Variants in CELF4 observed in about 807,000 individuals in gnomAD.
CELF4 encodes the protein CUG-BP- and ETR-3-like factor 4.
In CELF4, 18 loss-of-function variants were observed where a neutral mutation model predicts 59.9. The ratio of observed to expected loss-of-function variants is 0.30; its 90% CI spans 0.21 to 0.45. CELF4 has a LOEUF of 0.45. Among genes scored for constraint, CELF4 ranks in the 20% least tolerant of loss-of-function variants. The pLI is 1.00. For synonymous variants in CELF4, 261 were observed against 267.1 expected, an observed-to-expected ratio of 0.98 and a Z score of 0.22; for missense variants, 456 against 689.0, an observed-to-expected ratio of 0.66 and a Z score of 3.79.
intron 1 of CELF4, among the ~76,000 whole-genome samples, chr18:37,539,901 T>C (rs2099976555): frequency 6.6e-6 from 1 of 152,218 alleles, no homozygotes; most frequent in Admixed American, 6.5e-5. Context: ...AGAGAGGTGA[T>C]GATCAGGTCT....
chr18:37,374,308 C>T (rs554569668), intron 2 of CELF4, among the ~76,000 whole-genome samples: 6 of 152,336 alleles, frequency 3.9e-5, no homozygotes, highest in Admixed American at 3.3e-4. Context: ...TCTGTGCTGC[C>T]CTTTGCCAGT....
At chr18:37,333,201 T>C (rs2097614349) in intron 2 of CELF4, among the ~76,000 whole-genome samples, 1 of 152,178 alleles carries the variant, frequency 6.6e-6, no homozygotes. Flanking sequence ...GAGAGGCATA[T>C]CCACGTATCC....
At chr18:37,434,462 G>A (rs979376999) in intron 2 of CELF4, among the ~76,000 whole-genome samples, 8 of 152,300 alleles carry the variant, frequency 5.3e-5, no homozygotes, top group African/African-American at 1.2e-4. Flanking sequence ...GGGCAAAAGC[G>A]CTTCAGTGGC....
chr18:37,470,871 T>TACA (rs2099819471), intron 2 of CELF4, among the ~76,000 whole-genome samples: 2 of 117,072 alleles, frequency 1.7e-5, no homozygotes, highest in Non-Finnish European at 3.5e-5. Context: ...TGTGTGTGTG[T>TACA]GTGTGTGTGT....
intron 2 of CELF4, among the ~76,000 whole-genome samples, chr18:37,414,364 A>T (rs1164604011): frequency 6.6e-6 from 1 of 151,464 alleles, no homozygotes; most frequent in Non-Finnish European, 1.5e-5. Context: ...CCACCTATCC[A>T]TCTACGCATG....
intron 2 of CELF4, among the ~76,000 whole-genome samples, chr18:37,410,547 C>T (rs529470448): frequency 2.0e-5 from 3 of 152,264 alleles, no homozygotes; most frequent in Non-Finnish European, 4.4e-5. Context: ...GGCATCCCTG[C>T]ACACGCTGTG....
At chr18:37,251,860 G>C (rs1457677111) in intron 12 of CELF4, among the ~76,000 whole-genome samples, 5 of 152,156 alleles carry the variant, frequency 3.3e-5, no homozygotes, top group African/African-American at 9.7e-5. Flanking sequence ...GCACAAGAAG[G>C]TGCCCAAACT....
chr18:37,527,483 C>G (rs1051152263), intron 1 of CELF4, among the ~76,000 whole-genome samples: 3 of 152,156 alleles, frequency 2.0e-5, no homozygotes, highest in South Asian at 2.1e-4. Flanking sequence ...CTCCCCACCC[C>G]CTCCAGAATA....
intron 2 of CELF4, among the ~76,000 whole-genome samples, chr18:37,390,813 G>GT (rs2099152707): frequency 7.6e-6 from 1 of 132,328 alleles, no homozygotes; most frequent in Non-Finnish European, 1.6e-5. Flanking sequence ...GGGGAGGGGG[G>GT]GCAGTGCTGC....
At chr18:37,548,640 G>A (rs542410081) in intron 1 of CELF4, among the ~76,000 whole-genome samples, 1 of 152,282 alleles carries the variant, frequency 6.6e-6, no homozygotes, top group African/African-American at 2.4e-5. Flanking sequence ...AGTGACCCTG[G>A]ACATTTTAAC....
intron 1 of CELF4, among the ~76,000 whole-genome samples, chr18:37,564,193 C>A (rs921136880): frequency 7.2e-5 from 11 of 152,186 alleles, no homozygotes; most frequent in African/African-American, 2.7e-4. Flanking sequence ...CGTGCTCCTT[C>A]CCTGCCTGGC....
intron 1 of CELF4, among the ~76,000 whole-genome samples, chr18:37,517,729 A>G (rs985934183): frequency 6.6e-6 from 1 of 152,112 alleles, no homozygotes; most frequent in South Asian, 2.1e-4. Flanking sequence ...CCGATGAGGC[A>G]CAGCTGGGTG....
intron 2 of CELF4, among the ~76,000 whole-genome samples, chr18:37,417,496 T>C (rs563424358): frequency 6.6e-6 from 1 of 152,346 alleles, no homozygotes; most frequent in East Asian, 1.9e-4. Context: ...CCCAGCAGAA[T>C]ACAGCAGACT....
intron 1 of CELF4, among the ~76,000 whole-genome samples, chr18:37,554,394 A>C (rs987959258): frequency 1.3e-5 from 2 of 152,108 alleles, no homozygotes; most frequent in Non-Finnish European, 2.9e-5. Context: ...AAATCAAAGG[A>C]AGGTAGGATG....
chr18:37,418,241 AG>A (rs1439220935), intron 2 of CELF4, among the ~76,000 whole-genome samples: 1 of 152,222 alleles, frequency 6.6e-6, no homozygotes, highest in East Asian at 1.9e-4. Flanking sequence ...AGAGGTGGGC[AG>A]TGGGGGACAT....
chr18:37,506,207 T>G (rs890345562), intron 1 of CELF4, among the ~76,000 whole-genome samples: 7 of 152,318 alleles, frequency 4.6e-5, no homozygotes, highest in Admixed American at 6.5e-5. Flanking sequence ...ATCCCTTGCG[T>G]CCCATTACCC....
chr18:37,297,161 T>C (rs2095699342), intron 3 of CELF4, among the ~76,000 whole-genome samples: 1 of 152,122 alleles, frequency 6.6e-6, no homozygotes, highest in South Asian at 2.1e-4. Context: ...GTATAAGGTT[T>C]CTTTCCCTCC....
chr18:37,353,644 G>A (rs1249660419), intron 2 of CELF4, among the ~76,000 whole-genome samples: 3 of 150,140 alleles, frequency 2.0e-5, no homozygotes, highest in Non-Finnish European at 4.4e-5. Flanking sequence ...AGGTGGGGCT[G>A]GGGGAAAGGT....
At chr18:37,339,368 C>A (rs2097906340) in intron 2 of CELF4, among the ~76,000 whole-genome samples, 1 of 152,202 alleles carries the variant, frequency 6.6e-6, no homozygotes, top group African/African-American at 2.4e-5. Context: ...GGATGCTCAC[C>A]AGAGCTCGGC....
Sources: gnomAD v4.1 joint callset for allele counts (sites outside exome capture counted in the v4.1 genomes callset) on GRCh38, gnomAD v4.1.1 for gene constraint, MANE v1.5 for transcripts, NCBI Gene and HGNC (gene_info 2026-07-23, HGNC 2026-07-21) for gene names.